ZDHHC11B: variants seen among roughly 807,000 people sequenced by gnomAD.
ZDHHC11B encodes probable palmitoyltransferase ZDHHC11B.
ZDHHC11B carries 17 observed loss-of-function variants against 42.3 expected under a neutral mutation model. That is an observed-to-expected ratio of 0.40 (90% confidence interval 0.27 to 0.60). The LOEUF (loss-of-function observed/expected upper bound fraction) is 0.60, where lower values mean the gene tolerates loss of function less well. Ranked by LOEUF, ZDHHC11B falls within the 20% of genes least tolerant of loss-of-function variation. ZDHHC11B has a pLI of 0.41. For missense variants in ZDHHC11B, 262 were observed against 463.2 expected, an observed-to-expected ratio of 0.57 and a Z score of 3.99; for synonymous variants, 123 against 193.5, an observed-to-expected ratio of 0.64 and a Z score of 3.02.
rs1234958798 is a variant in ZDHHC11B at position 727,028 on chromosome 5, A to G, written c.1058+3406T>C. 3.6e-4 allele frequency among the ~76,000 whole-genome samples: 48 copies of G among 131,820 alleles called. 1 individual carries two copies. The highest frequency in any genetic ancestry group is 1.3e-3 in the African/African-American group (44 of 34,392). 86.5% of individuals were successfully genotyped at this position (131,820 alleles called of 152,430 possible). ...GGAAAATTAATGGGTTGTGTGAAAG[A>G]GCATTTTCACACTAAGTGATATGTA... On this transcript the variant is annotated intron_variant, in intron 12 of 13. Transcript: ENST00000508859.
At chr5:743,988 G>A (rs1233199107) in intron 9 of ZDHHC11B, among the ~76,000 whole-genome samples, 1 of 149,874 alleles carries the variant, frequency 6.7e-6, no homozygotes, top group African/African-American at 2.5e-5. Context: ...CAGGTACACA[G>A]GGTGCTTTCC....
At chr5:759,001 A>G (rs1734220754) in intron 4 of ZDHHC11B, among the ~76,000 whole-genome samples, 1 of 151,878 alleles carries the variant, frequency 6.6e-6, no homozygotes, top group African/African-American at 2.4e-5. Context: ...TAGAGATGAC[A>G]CGGAGCACCG....
rs190157006 is a variant in ZDHHC11B at position 763,230 on chromosome 5, G to A, written c.222+3468C>T. Among the ~76,000 whole-genome samples the A allele has an allele frequency of 7.3e-5, 11 of 151,634 alleles. No homozygotes were observed. In the East Asian group the frequency reaches 1.4e-3, roughly 19 times the overall value. On this transcript the variant is annotated intron_variant, in intron 4 of 13. Coordinates refer to ENST00000508859, the MANE Select transcript of ZDHHC11B (RefSeq NM_001351303.2). ...TGAAAAATACAAAAATTAGCTGGGC[G>A]TGGTGGCACACACCTGTAGTCCCAG...
chr5:751,346 GGTGT>G, intron 6 of ZDHHC11B, 89 bp from the exon 7 acceptor site: 2 of 139,926 alleles, frequency 1.4e-5, no homozygotes, highest in African/African-American at 3.3e-5. Context: ...GGGGGCAGGG[GGTGT>G]GCACAGGGTG....
intron 1 of ZDHHC11B, among the ~76,000 whole-genome samples, chr5:778,865 G>A (rs368818693): frequency 1.3e-5 from 2 of 152,030 alleles, no homozygotes; most frequent in South Asian, 4.2e-4. Context: ...AATCCCCATT[G>A]TGGTGGCATT....
At chr5:776,311 CCCTGGGATGG>C (rs1736476845) in intron 1 of ZDHHC11B, among the ~76,000 whole-genome samples, 1 of 151,904 alleles carries the variant, frequency 6.6e-6, no homozygotes, top group South Asian at 2.1e-4. Context: ...GGCACCGAAG[CCCTGGGATGG>C]CCCCTCTGCA....
intron 4 of ZDHHC11B, among the ~76,000 whole-genome samples, chr5:757,778 A>T (rs1184084239): frequency 6.6e-6 from 1 of 151,736 alleles, no homozygotes; most frequent in African/African-American, 2.4e-5. Context: ...GGCGAGAATG[A>T]TCTGGATGCC....
In ZDHHC11B at chr5:749,131, G is replaced by A. The variant is rs566033029; in HGVS notation, c.629-572C>T. 9.5e-5 allele frequency among the ~76,000 whole-genome samples: 11 copies of A among 116,276 alleles called. 2 individuals are homozygous for A. Among genetic ancestry groups the A allele is most frequent in the Non-Finnish European group, 1.6e-4 (9 of 56,938 alleles). 76.3% of individuals were successfully genotyped at this position (116,276 alleles called of 152,430 possible). A position where few individuals can be genotyped will look rare whatever the true frequency, so the allele number is the denominator to read the frequency against. ...CCTCACTAAGTACCAGGGTCACAGCGCCTGCTGGCTCTGCCGAGTCCCAGC... is the reference window on the plus strand; with the variant it reads ...CCTCACTAAGTACCAGGGTCACAGCACCTGCTGGCTCTGCCGAGTCCCAGC... On this transcript the variant is annotated intron_variant, in intron 7 of 13. Transcript: ENST00000508859.
intron 10 of ZDHHC11B, among the ~76,000 whole-genome samples, chr5:741,279 T>C (rs1245503546): frequency 6.8e-6 from 1 of 147,216 alleles, no homozygotes; most frequent in African/African-American, 2.5e-5. Context: ...ACATTCAGAC[T>C]CACAACTACC....
chr5:718,499 C>CT (rs1741934976), intron 12 of ZDHHC11B, among the ~76,000 whole-genome samples: 1 of 151,536 alleles, frequency 6.6e-6, no homozygotes, highest in South Asian at 2.1e-4. Flanking sequence ...TGGTGAAACT[C>CT]TGTCTCTACT....
intron 9 of ZDHHC11B, among the ~76,000 whole-genome samples, chr5:743,461 G>A (rs12652109): frequency 0.088 from 12,898 of 146,112 alleles, 573 homozygotes; most frequent in African/African-American, 0.26. Context: ...GCCTGCTGGG[G>A]TTCAGCAGGG....
At chr5:752,690 A>T (rs57015962) in intron 6 of ZDHHC11B, among the ~76,000 whole-genome samples, 10 of 95,826 alleles carry the variant, frequency 1.0e-4, no homozygotes, top group African/African-American at 2.9e-4. Flanking sequence ...TCCAGGGGTG[A>T]GGGGTGGCTC....
chr5:772,464 C>T (rs1178081114), intron 1 of ZDHHC11B, among the ~76,000 whole-genome samples: 3 of 151,974 alleles, frequency 2.0e-5, no homozygotes, highest in Non-Finnish European at 2.9e-5. Context: ...ATACCCACGT[C>T]CACTGTCCCA....
chr5:757,624 C>G (rs1209951342), intron 4 of ZDHHC11B, among the ~76,000 whole-genome samples: 16 of 151,958 alleles, frequency 1.1e-4, no homozygotes, highest in Non-Finnish European at 1.9e-4. Flanking sequence ...GACTGAAATG[C>G]AGACACAGGT....
At chr5:774,469 G>A (rs1170701662) in intron 1 of ZDHHC11B, among the ~76,000 whole-genome samples, 1 of 152,180 alleles carries the variant, frequency 6.6e-6, no homozygotes, top group Non-Finnish European at 1.5e-5. Context: ...CAGTCACTAG[G>A]GCCGGGACCT....
Position 711,173 on chromosome 5 carries a change from A to T in ZDHHC11B, c.*1117T>A, listed in dbSNP as rs2126932270. 6.6e-6 allele frequency: 1 copy of T among 151,106 alleles called. No homozygotes were observed. Among genetic ancestry groups the T allele is most frequent in the Non-Finnish European group, 1.5e-5 (1 of 68,364 alleles). 9.4% of individuals were successfully genotyped at this position (151,106 alleles called of 1,614,324 possible). A position where few individuals can be genotyped will look rare whatever the true frequency, so the allele number is the denominator to read the frequency against. On this transcript the variant is annotated 3_prime_UTR_variant, in exon 14 of 14. Coordinates refer to ENST00000508859, the MANE Select transcript of ZDHHC11B (RefSeq NM_001351303.2). ...TCCCAGTACTGTGCTCCGCTTTCCC[A>T]GTACTATGCTCCCATTTCCCAGTGC...
intron 12 of ZDHHC11B, among the ~76,000 whole-genome samples, chr5:717,747 T>C (rs1302582785): frequency 6.6e-6 from 1 of 151,788 alleles, no homozygotes; most frequent in Non-Finnish European, 1.5e-5. Flanking sequence ...CAGAAGGCCA[T>C]GGTCAGGAGT....
At chr5:733,489 C>T (rs368038030) in intron 11 of ZDHHC11B, among the ~76,000 whole-genome samples, 1 of 151,856 alleles carries the variant, frequency 6.6e-6, no homozygotes, top group Non-Finnish European at 1.5e-5. Context: ...CCCATCACCG[C>T]AGCTTCTTGG....
chr5:753,806 G>C (rs1746116882), intron 6 of ZDHHC11B, among the ~76,000 whole-genome samples: 1 of 139,914 alleles, frequency 7.1e-6, no homozygotes, highest in African/African-American at 2.5e-5. Context: ...TGGCAGGGAG[G>C]CAGGGCAGGG....
Sources: gnomAD v4.1 joint callset for allele counts (sites outside exome capture counted in the v4.1 genomes callset) on GRCh38, gnomAD v4.1.1 for gene constraint, MANE v1.5 for transcripts, NCBI Gene and HGNC (gene_info 2026-07-23, HGNC 2026-07-21) for gene names.